ATP8A2: variants seen among roughly 807,000 people sequenced by gnomAD.
The protein encoded by ATP8A2 is ATPase phospholipid transporting 8A2.
Under a neutral mutation model 165.6 loss-of-function variants are expected in ATP8A2, and 100 were observed. The observed-to-expected ratio is 0.60, with a 90% CI of 0.51 to 0.71. ATP8A2 has a LOEUF of 0.71. ATP8A2 is among the 30% of genes least tolerant of loss of function. The pLI is 0.00. For missense variants in ATP8A2, 1,227 were observed against 1,479.5 expected, an observed-to-expected ratio of 0.83 and a Z score of 2.80; for synonymous variants, 543 against 548.8, an observed-to-expected ratio of 0.99 and a Z score of 0.15.
At chr13:25,898,403 G>C (rs1440402371) in intron 33 of ATP8A2, among the ~76,000 whole-genome samples, 1 of 152,228 alleles carries the variant, frequency 6.6e-6, no homozygotes. Flanking sequence ...TCTCAGAGGA[G>C]TACCCAGCCG....
chr13:25,661,599 A>T (rs1566024263), intron 24 of ATP8A2, among the ~76,000 whole-genome samples: 1 of 152,264 alleles, frequency 6.6e-6, no homozygotes, highest in Non-Finnish European at 1.5e-5. Flanking sequence ...CTTAAGAAGG[A>T]TTAAAACCAA....
At chr13:25,384,111 T>C (rs1566093968) in intron 1 of ATP8A2, among the ~76,000 whole-genome samples, 1 of 152,232 alleles carries the variant, frequency 6.6e-6, no homozygotes, top group Non-Finnish European at 1.5e-5. Flanking sequence ...GAATTCTAGA[T>C]TCAAAATTCT....
intron 33 of ATP8A2, chr13:25,871,219 TTTTG>T (rs577223241): frequency 8.0e-4 from 328 of 410,532 alleles, no homozygotes; most frequent in East Asian, 1.6e-3. Flanking sequence ...TACATGCTGA[TTTTG>T]TTTGTTTGTA....
At chr13:25,949,986 G>A (rs1191720290) in intron 33 of ATP8A2, among the ~76,000 whole-genome samples, 1 of 152,042 alleles carries the variant, frequency 6.6e-6, no homozygotes, top group Non-Finnish European at 1.5e-5. Context: ...TTTTAGTAGG[G>A]ACAGGGTTTC....
chr13:25,565,566 T>A (rs1311783448), intron 16 of ATP8A2, among the ~76,000 whole-genome samples: 1 of 152,244 alleles, frequency 6.6e-6, no homozygotes, highest in East Asian at 1.9e-4. Context: ...GCCCACTTTT[T>A]GATGAGATTG....
At chr13:25,673,806 T>C (rs1028046724) in intron 24 of ATP8A2, among the ~76,000 whole-genome samples, 1 of 152,188 alleles carries the variant, frequency 6.6e-6, no homozygotes. Flanking sequence ...ATTTATAATT[T>C]TATTTGCCTG....
chr13:25,961,577 A>G lies in ATP8A2; in HGVS notation c.3186A>G (p.Ala1062=), dbSNP rs1221654707. 1 of 1,613,146 alleles carries G rather than the reference A, an allele frequency of 6.2e-7. No individual in the cohort carries two copies. The highest frequency in any genetic ancestry group is 2.2e-5 in the East Asian group (1 of 44,872). ...IPIAPDMRGQ[A]TMVLSSAHFW... ...AGTGTCACTTCTATTTCTTGCAGGCAACTATGGTCCTGAGCTCCGCACACT... is the reference window on the plus strand; with the variant it reads ...AGTGTCACTTCTATTTCTTGCAGGCGACTATGGTCCTGAGCTCCGCACACT... The change falls in exon 34 of 37, where the codon GCA becomes GCG. Residue 1062 remains alanine (A), a splice_region_variant and synonymous_variant. Coordinates refer to ENST00000381655, the MANE Select transcript of ATP8A2 (RefSeq NM_016529.6).
At chr13:25,460,641 C>T (rs1015154428) in intron 1 of ATP8A2, among the ~76,000 whole-genome samples, 4 of 152,068 alleles carry the variant, frequency 2.6e-5, no homozygotes, top group Non-Finnish European at 5.9e-5. Flanking sequence ...GGAACAGAAG[C>T]CCAGTGTATA....
At chr13:25,562,311 A>G (rs761663055) in intron 15 of ATP8A2, among the ~76,000 whole-genome samples, 6 of 152,132 alleles carry the variant, frequency 3.9e-5, no homozygotes, top group Non-Finnish European at 8.8e-5. Flanking sequence ...TTTGTTTTAT[A>G]ATAGCCATCC....
chr13:25,923,627 A>AT (rs5802355), intron 33 of ATP8A2, among the ~76,000 whole-genome samples: 122,692 of 148,464 alleles, frequency 0.83, 50,725 homozygotes, highest in East Asian at 0.92. Flanking sequence ...CTTAGCCTCC[A>AT]TTTTTTTTTT....
At chr13:25,975,295 C>T (rs1005881251) in intron 35 of ATP8A2, among the ~76,000 whole-genome samples, 4 of 152,120 alleles carry the variant, frequency 2.6e-5, no homozygotes, top group Admixed American at 6.5e-5. Context: ...TATTTTCGAC[C>T]GGTTGCGGTG....
chr13:25,909,084 A>G (rs1478027696), intron 33 of ATP8A2, among the ~76,000 whole-genome samples: 1 of 152,140 alleles, frequency 6.6e-6, no homozygotes, highest in African/African-American at 2.4e-5. Context: ...CTTTATTTAA[A>G]CCTGATATCA....
rs689478 is a variant in ATP8A2, at chr13:25,502,569, G to A, written c.222-27430G>A. 7.0e-3 allele frequency among the ~76,000 whole-genome samples: 1,062 copies of A among 152,262 alleles called. 12 individuals carry two copies. Among genetic ancestry groups the A allele is most frequent in the African/African-American group, 0.024 (1,013 of 41,530 alleles). ...ACATGCCTCTGTCACTTGCTTTTTGGGTGATACAGGGCAAGTTAACTTTTT... is the reference window on the plus strand; with the variant it reads ...ACATGCCTCTGTCACTTGCTTTTTGAGTGATACAGGGCAAGTTAACTTTTT... On this transcript the variant is annotated intron_variant, in intron 2 of 36. Transcript: ENST00000381655.
intron 24 of ATP8A2, among the ~76,000 whole-genome samples, chr13:25,613,975 C>T (rs1302766998): frequency 6.6e-6 from 1 of 152,104 alleles, no homozygotes; most frequent in African/African-American, 2.4e-5. Context: ...AGATTCTTTT[C>T]TTTGTCTTGA....
In ATP8A2 at chr13:25,436,999, A is replaced by T. The variant is rs756512535; in HGVS notation, c.77-31978A>T. On this transcript the variant is annotated intron_variant, in intron 1 of 36. Transcript: ENST00000381655. ...ACCATGTTGCCCAGGCTGGTCTTTA[A>T]TTCCTAAGCTCAAGTGACCCACCAG... Among the ~76,000 whole-genome samples, 137 of 152,138 alleles carry T rather than the reference A, an allele frequency of 9.0e-4. 1 individual carries two copies. Among genetic ancestry groups the T allele is most frequent in the Non-Finnish European group, 1.7e-3 (113 of 67,974 alleles).
At chr13:25,642,745 T>C (rs2041562256) in intron 24 of ATP8A2, among the ~76,000 whole-genome samples, 1 of 152,234 alleles carries the variant, frequency 6.6e-6, no homozygotes, top group South Asian at 2.1e-4. Flanking sequence ...ATCCTGCTGC[T>C]ATAAAGACAC....
chr13:25,541,942 G>A lies in ATP8A2; in HGVS notation c.675G>A (p.Met225Ile), dbSNP rs1420018178. 6.2e-7 allele frequency: 1 copy of A among 1,614,042 alleles called. No homozygotes were observed. The highest frequency in any genetic ancestry group is 2.2e-5 in the East Asian group (1 of 44,878). Residue 225 changes from methionine (M) to isoleucine (I), a missense_variant, in exon 9 of 37, where the codon ATG becomes ATA. Physicochemically the swap from Met to Ile is conservative, Grantham distance 10 (BLOSUM62 1). This residue lies in a region of ATP8A2 where 356 missense variants were observed against 394.9 expected (regional missense o/e 0.90). Coordinates refer to ENST00000381655, the MANE Select transcript of ATP8A2 (RefSeq NM_016529.6). ...IRQGLSHTAD[M>I]QTREVLMKLS... is the part of the protein sequence containing the mutation. ...AGGGTTTGAGTCACACTGCTGACAT[G>A]CAAACACGTGAAGTTCTGATGAAGT... is the stretch of plus-strand genomic sequence containing the variant.
intron 2 of ATP8A2, among the ~76,000 whole-genome samples, chr13:25,488,960 C>T (rs868145358): frequency 4.7e-5 from 7 of 147,910 alleles, no homozygotes; most frequent in Non-Finnish European, 8.9e-5. Context: ...TACACCAGGA[C>T]CAGGGTACAG....
chr13:25,761,558 G>C (rs535507910), intron 25 of ATP8A2, among the ~76,000 whole-genome samples: 1 of 151,922 alleles, frequency 6.6e-6, no homozygotes, highest in Non-Finnish European at 1.5e-5. Context: ...CAGGAGGATC[G>C]CTTGAGACCA....
Sources: allele counts gnomAD v4.1 joint callset (sites outside exome capture counted in the v4.1 genomes callset), GRCh38; gene constraint gnomAD v4.1.1; regional missense constraint gnomAD v4.1.1; transcripts MANE v1.5; gene names NCBI Gene and HGNC (gene_info 2026-07-23, HGNC 2026-07-21).